Variants in SNX1 observed in about 807,000 individuals in gnomAD.
The protein encoded by SNX1 is sorting nexin 1, also known as sorting nexin-1.
In SNX1, 36 loss-of-function variants were observed where a neutral mutation model predicts 71.8. The ratio of observed to expected loss-of-function variants is 0.50; its 90% CI spans 0.38 to 0.66. The LOEUF (loss-of-function observed/expected upper bound fraction) is 0.66. SNX1 is among the 30% of genes least tolerant of loss of function. The pLI is 0.00. For missense variants in SNX1, 612 were observed against 646.7 expected (o/e 0.95, Z 0.58); for synonymous variants, 254 against 240.7 (o/e 1.06, Z -0.51).
At chr15:64,119,569 C>T (rs111561664) in intron 4 of SNX1, among the ~76,000 whole-genome samples, 53 of 152,068 alleles carry the variant, frequency 3.5e-4, no homozygotes, top group African/African-American at 1.3e-3. Flanking sequence ...ACTAAAAATG[C>T]AAAAATTGAC....
chr15:64,116,154 A>G (rs1050812470), intron 2 of SNX1, among the ~76,000 whole-genome samples: 3 of 152,368 alleles, frequency 2.0e-5, no homozygotes, highest in African/African-American at 7.2e-5. Context: ...TTCTTACAAT[A>G]AAGTAAGCTA....
At chr15:64,104,677 G>A (rs2081000619) in intron 1 of SNX1, among the ~76,000 whole-genome samples, 1 of 151,758 alleles carries the variant, frequency 6.6e-6, no homozygotes, top group South Asian at 2.1e-4. Context: ...CTGAGGTTGG[G>A]AGTTCAAGAC....
At chr15:64,117,075 G>T (rs774470660) in intron 2 of SNX1, among the ~76,000 whole-genome samples, 2 of 152,194 alleles carry the variant, frequency 1.3e-5, no homozygotes, top group African/African-American at 2.4e-5. Flanking sequence ...TAACAGTGCT[G>T]TCATCAGGTG....
Position 64,130,313 on chromosome 15 carries a change from A to G in SNX1, c.1007A>G (p.His336Arg). 1 of 1,613,708 alleles carries G rather than the reference A, an allele frequency of 6.2e-7. No individual in the cohort carries two copies. The highest frequency in any genetic ancestry group is 8.5e-7 in the Non-Finnish European group (1 of 1,179,588). ...LHAVVETLVN[H>R]RKELALNTAQ... ...GCTGTTGTAGAAACTCTAGTCAACC[A>G]TAGGAAAGGTAACAAGCTCTGAAAT... The change falls in exon 10 of 15, where the codon CAT (histidine) becomes CGT (arginine). Residue 336 changes from histidine to arginine, a missense_variant. This residue lies in a region of SNX1 where 296 missense variants were observed against 361.9 expected (regional missense o/e 0.82). Coordinates refer to ENST00000559844, the MANE Select transcript of SNX1 (RefSeq NM_003099.5).
rs1023082039 is a variant in SNX1, at chr15:64,139,667, T to C, written c.*2049T>C. The C allele has an allele frequency of 6.7e-6, 1 of 148,716 alleles. No individual in the cohort carries two copies. The highest frequency in any genetic ancestry group is 2.2e-4 in the South Asian group (1 of 4,588). The allele number at this position is 148,716 out of a possible 1,614,324, so 9.2% of individuals were successfully genotyped here. ...AAGTATTATTATCAAAATCAGGAAG[T>C]TTAACAGTGATTTAATACTGTTATC... On this transcript the variant is annotated 3_prime_UTR_variant, in exon 15 of 15. Coordinates refer to ENST00000559844, the MANE Select transcript of SNX1 (RefSeq NM_003099.5).
At chr15:64,128,474 G>A (rs550817149) in intron 8 of SNX1, among the ~76,000 whole-genome samples, 64 of 152,302 alleles carry the variant, frequency 4.2e-4, no homozygotes, top group African/African-American at 1.5e-3. Flanking sequence ...TTATCTCACA[G>A]GAAAGCAAAC....
chr15:64,125,563 T>A (rs1348034368), intron 5 of SNX1, among the ~76,000 whole-genome samples: 1 of 151,914 alleles, frequency 6.6e-6, no homozygotes, highest in Non-Finnish European at 1.5e-5. Context: ...GAGGATCGCT[T>A]AAGCCCAGGA....
chr15:64,144,015 G>C lies in SNX1; in HGVS notation c.*6397G>C, dbSNP rs1291168121. Reference sequence around the variant, plus strand: ...ACAAGGAAAACTCATATTTTTTAGTGAAAAAAGCAGGTTATAGAATTGCAT... The same window carrying C: ...ACAAGGAAAACTCATATTTTTTAGTCAAAAAAGCAGGTTATAGAATTGCAT... On this transcript the variant is annotated 3_prime_UTR_variant, in exon 15 of 15. Transcript: ENST00000559844. The surrounding 1 kb of genome is among the most constrained non-coding windows in gnomAD (Gnocchi z 4.3). 1 of 151,952 alleles carries C rather than the reference G, an allele frequency of 6.6e-6. No individual in the cohort carries two copies. Among genetic ancestry groups the C allele is most frequent in the Non-Finnish European group, 1.5e-5 (1 of 67,980 alleles). 9.4% of individuals were successfully genotyped at this position (151,952 alleles called of 1,614,324 possible). A position where few individuals can be genotyped will look rare whatever the true frequency, so the allele number is the denominator to read the frequency against.
intron 12 of SNX1, among the ~76,000 whole-genome samples, chr15:64,135,720 C>G (rs1233330492): frequency 6.8e-6 from 1 of 147,036 alleles, no homozygotes; most frequent in African/African-American, 2.5e-5. Context: ...GATCACGCCA[C>G]TGCACTCCAG....
intron 1 of SNX1, among the ~76,000 whole-genome samples, chr15:64,106,647 G>A (rs2081025053): frequency 6.6e-6 from 1 of 152,120 alleles, no homozygotes; most frequent in African/African-American, 2.4e-5. Flanking sequence ...TATCTGGCTG[G>A]GACAGTGTAA....
rs1318159029 is a variant in SNX1, at chr15:64,130,235, A to G, written c.929A>G (p.Glu310Gly). Residue 310 changes from glutamate (E) to glycine (G), a missense_variant, in exon 10 of 15, where the codon GAG becomes GGG. Physicochemically the swap from Glu to Gly is moderately conservative, Grantham distance 98. This residue lies in a region of SNX1 where 296 missense variants were observed against 361.9 expected (regional missense o/e 0.82). Coordinates refer to ENST00000559844, the MANE Select transcript of SNX1 (RefSeq NM_003099.5). ...TGGGCTTTTGTGTTTCAGTGGTTTG[A>G]GGAGAAGCTCCAGGAGGTAGAGTGT... ...IKMNESDIWF[E>G]EKLQEVECEE... is the part of the protein sequence containing the mutation. The G allele has an allele frequency of 1.9e-6, 3 of 1,614,026 alleles. No individual in the cohort carries two copies. The South Asian group carries it at 3.3e-5, about 18-fold the overall frequency.
At chr15:64,124,059 C>T (rs1289247632) in intron 5 of SNX1, among the ~76,000 whole-genome samples, 2 of 149,886 alleles carry the variant, frequency 1.3e-5, no homozygotes, top group Admixed American at 1.3e-4. Context: ...GATCCACCTG[C>T]GTGTTTTTCC....
chr15:64,098,238 A>G (rs2080923218), intron 1 of SNX1, among the ~76,000 whole-genome samples: 2 of 152,244 alleles, frequency 1.3e-5, no homozygotes, highest in Admixed American at 1.3e-4. Flanking sequence ...TAATTCTTCT[A>G]TAAGTCATGG....
chr15:64,114,808 A>G (rs1389424440), intron 2 of SNX1, among the ~76,000 whole-genome samples: 1 of 152,230 alleles, frequency 6.6e-6, no homozygotes, highest in East Asian at 1.9e-4. Flanking sequence ...AAATTTAAAT[A>G]TACAATATTT....
intron 2 of SNX1, among the ~76,000 whole-genome samples, chr15:64,116,998 G>A (rs1412942325): frequency 6.6e-6 from 1 of 152,162 alleles, no homozygotes; most frequent in Non-Finnish European, 1.5e-5. Context: ...ATAGCATATA[G>A]TAAGTATAAT....
At chr15:64,117,653 G>A (rs960194740) in intron 2 of SNX1, among the ~76,000 whole-genome samples, 1 of 152,182 alleles carries the variant, frequency 6.6e-6, no homozygotes, top group African/African-American at 2.4e-5. Context: ...TTAGCTGGCT[G>A]TGGTGGTATG....
chr15:64,100,173 C>CTTATAT (rs1354199143), intron 1 of SNX1, among the ~76,000 whole-genome samples: 2 of 152,202 alleles, frequency 1.3e-5, no homozygotes, highest in Admixed American at 6.5e-5. Context: ...ACAACTGCTG[C>CTTATAT]TGTTAATCAT....
intron 12 of SNX1, 92 bp from the exon 13 acceptor site, chr15:64,136,238 G>T: frequency 1.1e-6 from 1 of 925,988 alleles, no homozygotes; most frequent in South Asian, 1.3e-5. Context: ...ATGATCAATT[G>T]AGCCCTCATA....
chr15:64,120,896 C>T (rs1359671147), intron 4 of SNX1, among the ~76,000 whole-genome samples: 1 of 152,076 alleles, frequency 6.6e-6, no homozygotes, highest in Admixed American at 6.6e-5. Context: ...TTTTCCCAGA[C>T]TGTTGGACTG....
Sources: allele counts gnomAD v4.1 joint callset (sites outside exome capture counted in the v4.1 genomes callset), GRCh38; gene constraint gnomAD v4.1.1; regional missense constraint gnomAD v4.1.1; non-coding constraint Gnocchi (gnomAD v3.1); transcripts MANE v1.5; gene names NCBI Gene and HGNC (gene_info 2026-07-23, HGNC 2026-07-21).